MET: variants seen among roughly 807,000 people sequenced by gnomAD.
The protein encoded by MET is MET proto-oncogene, receptor tyrosine kinase.
MET carries 48 observed loss-of-function variants against 133.1 expected under a neutral mutation model. That is an observed-to-expected ratio of 0.36 (90% CI 0.29 to 0.46). The LOEUF is 0.46. MET is among the 20% of genes least tolerant of loss of function. MET has a pLI of 1.00. For missense variants in MET, 1,442 were observed against 1,695.9 expected (o/e 0.85, Z 2.63); for synonymous variants, 628 against 616.5 (o/e 1.02, Z -0.28).
At position 116,796,234 on chromosome 7, in the gene MET, A is replaced by T; in HGVS notation, c.*110A>T. 1 of 949,054 alleles carries T rather than the reference A, an allele frequency of 1.1e-6. No individual in the cohort carries two copies. 58.8% of individuals were successfully genotyped at this position (949,054 alleles called of 1,614,324 possible). On this transcript the variant is annotated 3_prime_UTR_variant, in exon 21 of 21. Coordinates refer to ENST00000397752, the MANE Select transcript of MET (RefSeq NM_000245.4). Reference sequence around the variant, plus strand: ...TTGCTCTTGCCAAAATTGCACTATTATAGGACTTGTATTGTTATTTAAATT... The same window carrying T: ...TTGCTCTTGCCAAAATTGCACTATTTTAGGACTTGTATTGTTATTTAAATT...
intron 1 of MET, among the ~76,000 whole-genome samples, chr7:116,694,567 G>A (rs2116554136): frequency 6.6e-6 from 1 of 152,182 alleles, no homozygotes; most frequent in Admixed American, 6.5e-5. Flanking sequence ...TTCTACATGT[G>A]TACATTTTCT....
chr7:116,758,474 T>C lies in MET; in HGVS notation c.2118T>C (p.Ile706=), dbSNP rs958023403. ...TTTTGTTCAGTGTGTCAAACAGTATTCTTGAATGTTATACCCCAGCCCAAA... is the reference window on the plus strand; with the variant it reads ...TTTTGTTCAGTGTGTCAAACAGTATCCTTGAATGTTATACCCCAGCCCAAA... ...TCTLKSVSNS[I]LECYTPAQTI... Residue 706 remains isoleucine, a synonymous_variant, in exon 9 of 21, where the codon ATT becomes ATC. Coordinates refer to ENST00000397752, the MANE Select transcript of MET (RefSeq NM_000245.4). 13 of 1,613,670 alleles carry C rather than the reference T, an allele frequency of 8.1e-6. No individual in the cohort carries two copies. Among genetic ancestry groups the C allele is most frequent in the Non-Finnish European group, 1.1e-5 (13 of 1,179,802 alleles).
intron 10 of MET, among the ~76,000 whole-genome samples, chr7:116,761,962 A>C (rs1794415841): frequency 6.6e-6 from 1 of 152,152 alleles, no homozygotes; most frequent in Non-Finnish European, 1.5e-5. Flanking sequence ...TATACTTGTC[A>C]AAGAAAAGGA....
Position 116,757,793 on chromosome 7 carries a change from T to C in MET, c.2102+19T>C, listed in dbSNP as rs200666523. ...TAAAAAGGTGTTGTAAATTTATTTTTTGTTGCATCTGTCAATTTGAATTAA... is the reference window on the plus strand; with the variant it reads ...TAAAAAGGTGTTGTAAATTTATTTTCTGTTGCATCTGTCAATTTGAATTAA... On this transcript the variant is annotated intron_variant, in intron 8 of 20. Transcript: ENST00000397752. The C allele has an allele frequency of 6.2e-7, 1 of 1,611,588 alleles. No individual in the cohort carries two copies. Among genetic ancestry groups the C allele is most frequent in the Admixed American group, 1.7e-5 (1 of 59,968 alleles).
chr7:116,755,228 C>G (rs1794132959), intron 5 of MET, 127 bp from the exon 6 acceptor site: 2 of 1,160,086 alleles, frequency 1.7e-6, no homozygotes, highest in East Asian at 5.2e-5. Context: ...TAAATTTTTA[C>G]TAAATTGTGG....
chr7:116,680,082 G>A (rs920326927), intron 1 of MET, among the ~76,000 whole-genome samples: 9 of 151,922 alleles, frequency 5.9e-5, no homozygotes, highest in Admixed American at 2.0e-4. Context: ...ATATCTTGAG[G>A]GGGCGGGGGG....
intron 2 of MET, among the ~76,000 whole-genome samples, chr7:116,716,485 G>GAAAGAAAGAA: frequency 7.4e-6 from 1 of 135,808 alleles, no homozygotes; most frequent in Non-Finnish European, 1.6e-5. Flanking sequence ...AAGAAAGAAA[G>GAAAGAAAGAA]AAAGAAAGAA....
intron 14 of MET, 107 bp from the exon 15 acceptor site, chr7:116,774,774 A>G: frequency 2.4e-6 from 2 of 841,774 alleles, no homozygotes; most frequent in Non-Finnish European, 3.9e-6. Flanking sequence ...TTCCCAATTT[A>G]TTATCATTTT....
intron 11 of MET, among the ~76,000 whole-genome samples, chr7:116,766,262 A>G (rs1203392526): frequency 2.6e-5 from 4 of 152,220 alleles, no homozygotes; most frequent in Non-Finnish European, 5.9e-5. Context: ...ATTCTGCAGC[A>G]TATAGGAACA....
intron 1 of MET, among the ~76,000 whole-genome samples, chr7:116,698,085 A>G: frequency 6.6e-6 from 1 of 152,166 alleles, no homozygotes; most frequent in East Asian, 1.9e-4. Context: ...TGCTATTTAA[A>G]AAAAAGTCAT....
At position 116,760,080 on chromosome 7, in the gene MET, G is replaced by A. The variant is rs141796362; in HGVS notation, c.2364+590G>A. Among the ~76,000 whole-genome samples, 1,414 of 152,206 alleles carry A rather than the reference G, an allele frequency of 9.3e-3. 9 individuals carry two copies. Among genetic ancestry groups the A allele is most frequent in the Non-Finnish European group, 0.014 (957 of 67,992 alleles). ...GCATGAGCTACTGTGCCTGGCCTGA[G>A]GCAGTGTTTTTACAGACAGTCAGTA... On this transcript the variant is annotated intron_variant, in intron 10 of 20. Transcript: ENST00000397752.
At chr7:116,701,603 C>T (rs867409805) in intron 2 of MET, among the ~76,000 whole-genome samples, 3 of 152,234 alleles carry the variant, frequency 2.0e-5, no homozygotes, top group East Asian at 1.9e-4. Flanking sequence ...ATATACATAA[C>T]ATAAATGCAC....
chr7:116,765,027 C>T (rs140794452), intron 11 of MET, among the ~76,000 whole-genome samples: 192 of 152,200 alleles, frequency 1.3e-3, no homozygotes, highest in Admixed American at 3.6e-3. Context: ...CAGCCAGGCA[C>T]GGTAGCTCAT....
At chr7:116,761,061 G>C (rs986090866) in intron 10 of MET, among the ~76,000 whole-genome samples, 2 of 152,122 alleles carry the variant, frequency 1.3e-5, no homozygotes, top group African/African-American at 4.8e-5. Flanking sequence ...CCATTATTAA[G>C]ATAATGACTG....
intron 2 of MET, among the ~76,000 whole-genome samples, chr7:116,707,860 T>C (rs1791857914): frequency 6.6e-6 from 1 of 152,162 alleles, no homozygotes; most frequent in Non-Finnish European, 1.5e-5. Flanking sequence ...CTTAAGCTAA[T>C]TACATTACCT....
chr7:116,747,912 C>T (rs1166911788), intron 5 of MET, among the ~76,000 whole-genome samples: 1 of 152,056 alleles, frequency 6.6e-6, no homozygotes, highest in African/African-American at 2.4e-5. Flanking sequence ...CAAACAGTCT[C>T]TCAGATGACA....
chr7:116,726,356 G>A (rs1792785397), intron 2 of MET, among the ~76,000 whole-genome samples: 1 of 150,796 alleles, frequency 6.6e-6, no homozygotes, highest in Non-Finnish European at 1.5e-5. Flanking sequence ...CTACACAGGT[G>A]TGTGCCCAGA....
intron 19 of MET, among the ~76,000 whole-genome samples, chr7:116,792,914 G>C (rs1173460463): frequency 6.6e-6 from 1 of 152,132 alleles, no homozygotes; most frequent in Non-Finnish European, 1.5e-5. Context: ...GTTTTGTAAA[G>C]GATATAATGC....
intron 10 of MET, among the ~76,000 whole-genome samples, chr7:116,761,829 G>GT (rs956484167): frequency 1.3e-5 from 2 of 152,028 alleles, no homozygotes; most frequent in African/African-American, 2.4e-5. Flanking sequence ...CATTTTTAAT[G>GT]TAAGATCATT....
Sources: allele counts gnomAD v4.1 joint callset (sites outside exome capture counted in the v4.1 genomes callset), GRCh38; gene constraint gnomAD v4.1.1; transcripts MANE v1.5; gene names NCBI Gene and HGNC (gene_info 2026-07-23, HGNC 2026-07-21).